Variants in PPP2R2C observed in about 807,000 individuals in gnomAD.
The protein encoded by PPP2R2C is protein phosphatase 2 regulatory subunit Bgamma.
PPP2R2C carries 10 observed loss-of-function variants against 45.3 expected under a neutral mutation model. That is an observed-to-expected ratio of 0.22 (90% confidence interval 0.14 to 0.37). PPP2R2C has a LOEUF of 0.37. Ranked by LOEUF, PPP2R2C falls within the 10% of genes least tolerant of loss-of-function variation. The pLI, the probability that PPP2R2C is intolerant of heterozygous loss-of-function variation, is 1.00. For missense variants in PPP2R2C, 308 were observed against 619.7 expected (o/e 0.50, Z 5.34); for synonymous variants, 257 against 245.4 (o/e 1.05, Z -0.44).
rs550686983 is a variant in PPP2R2C, at chr4:6,427,309, G to A, written c.70+44851C>T. ...ACGTTCAGCATCTCAATGCTCAAAC[G>A]AGGACGTGGGAAATCCTGGCAGGAC... On this transcript the variant is annotated intron_variant, in intron 1 of 8. Coordinates refer to ENST00000382599, the MANE Select transcript of PPP2R2C (RefSeq NM_020416.4). Among the ~76,000 whole-genome samples the A allele has an allele frequency of 5.9e-5, 9 of 152,332 alleles. No homozygotes were observed. The South Asian group carries it at 1.9e-3, about 32-fold the overall frequency.
At position 6,331,399 on chromosome 4, in the gene PPP2R2C, C is replaced by T. The variant is rs4689404; in HGVS notation, c.961-2046G>A. 0.41 allele frequency among the ~76,000 whole-genome samples: 62,750 copies of T among 151,890 alleles called. 14,999 individuals are homozygous for T. The highest frequency in any genetic ancestry group is 0.67 in the African/African-American group (27,662 of 41,426). On this transcript the variant is annotated intron_variant, in intron 7 of 8. Coordinates refer to ENST00000382599, the MANE Select transcript of PPP2R2C (RefSeq NM_020416.4). This position sits in a 1 kb window ranked among gnomAD's most constrained non-coding sequence, Gnocchi z 5.9. Reference sequence around the variant, plus strand: ...GCTGGGAGGCTTAGATGAGGCAAAGCATATTATGGACTTACCTCAGTGTGG... The same window carrying T: ...GCTGGGAGGCTTAGATGAGGCAAAGTATATTATGGACTTACCTCAGTGTGG...
At chr4:6,507,974 C>T (rs759177843) in intron 2 of PPP2R2C, among the ~76,000 whole-genome samples, 4 of 152,202 alleles carry the variant, frequency 2.6e-5, no homozygotes, top group South Asian at 2.1e-4. Context: ...GAGCAAAAAA[C>T]AATGATGTAG....
At chr4:6,512,485 ATGGTGATGGTGGTGG>A (rs1723661977) in intron 2 of PPP2R2C, among the ~76,000 whole-genome samples, 1 of 34,368 alleles carries the variant, frequency 2.9e-5, no homozygotes, top group Non-Finnish European at 5.5e-5. Flanking sequence ...AGTGGTGGTG[ATGGTGATGGTGGTGG>A]TGGTGGTGAT....
Position 6,337,394 on chromosome 4 carries a change from C to T in PPP2R2C, c.791-3663G>A, listed in dbSNP as rs191074234. On this transcript the variant is annotated intron_variant, in intron 6 of 8. Transcript: ENST00000382599. ...ATGGAAACAAGGAAGAGAATCTCAG[C>T]GGGACCTGGTGGCCCCCAGCACCTG... Among the ~76,000 whole-genome samples, 217 of 151,948 alleles carry T rather than the reference C, an allele frequency of 1.4e-3. 1 individual carries two copies. Among genetic ancestry groups the T allele is most frequent in the African/African-American group, 5.1e-3 (210 of 41,462 alleles).
chr4:6,420,790 G>A (rs1195288412), intron 1 of PPP2R2C, among the ~76,000 whole-genome samples: 2 of 152,184 alleles, frequency 1.3e-5, no homozygotes, highest in Non-Finnish European at 2.9e-5. Context: ...AGACCTCGAC[G>A]ATGACGGCAC....
intron 3 of PPP2R2C, 55 bp from the exon 4 acceptor site, chr4:6,375,986 G>C (rs4234738): frequency 0.95 from 1,371,957 of 1,445,602 alleles, 651,728 homozygotes; most frequent in East Asian, 1. Context: ...CCGGATGGAA[G>C]AGAAGATCCA....
At chr4:6,481,564 A>G (rs1722351181) in intron 2 of PPP2R2C, among the ~76,000 whole-genome samples, 1 of 152,152 alleles carries the variant, frequency 6.6e-6, no homozygotes, top group Admixed American at 6.5e-5. Flanking sequence ...AGACAGCTTT[A>G]TAACAAGTCA....
intron 1 of PPP2R2C, among the ~76,000 whole-genome samples, chr4:6,547,688 C>A (rs2108837079): frequency 6.6e-6 from 1 of 152,320 alleles, no homozygotes; most frequent in Non-Finnish European, 1.5e-5. Context: ...GACCCAGCGT[C>A]TGCAATGGGC....
chr4:6,520,057 G>A (rs1425408831), intron 2 of PPP2R2C, among the ~76,000 whole-genome samples: 1 of 152,178 alleles, frequency 6.6e-6, no homozygotes, highest in African/African-American at 2.4e-5. Context: ...TTATTCCCCA[G>A]GGAGCCCCCA....
chr4:6,360,178 G>A (rs900502214), intron 5 of PPP2R2C, among the ~76,000 whole-genome samples: 1 of 152,242 alleles, frequency 6.6e-6, no homozygotes, highest in African/African-American at 2.4e-5. Context: ...GGCCCAGGGT[G>A]GGCAGTGATT....
Position 6,381,007 on chromosome 4 carries a change from C to A in PPP2R2C, c.158G>T (p.Arg53Leu). 1.3e-6 allele frequency: 2 copies of A among 1,541,990 alleles called. No individual in the cohort carries two copies. The highest frequency in any genetic ancestry group is 2.3e-5 in the East Asian group (1 of 43,800). Residue 53 changes from arginine (R) to leucine (L), a missense_variant, in exon 2 of 9, where the codon CGG (arginine) becomes CTG (leucine). Coordinates refer to ENST00000382599, the MANE Select transcript of PPP2R2C (RefSeq NM_020416.4). ...CCCAGGGCTTCGCACCTCTGGTTCC[C>A]GCTGGAAGATGACGACCCGGCCGCC... ...DKGGRVVIFQ[R>L]EPESKNAPHS... is the part of the protein sequence containing the mutation.
chr4:6,372,765 C>T (rs1466370114), intron 4 of PPP2R2C, 65 bp from the exon 5 acceptor site: 92 of 1,523,406 alleles, frequency 6.0e-5, no homozygotes, highest in African/African-American at 4.1e-5. Flanking sequence ...CATAGCATGC[C>T]GTGAGCATGT....
chr4:6,417,650 C>T (rs926037538), intron 1 of PPP2R2C, among the ~76,000 whole-genome samples: 9 of 152,330 alleles, frequency 5.9e-5, no homozygotes, highest in African/African-American at 1.9e-4. Flanking sequence ...TTCGGGGGCC[C>T]CCGGGGACCC....
Position 6,527,888 on chromosome 4 carries a change from G to A in PPP2R2C, c.49+7383C>T, listed in dbSNP as rs927447126. On this transcript the variant is annotated intron_variant, in intron 2 of 9. Transcript: ENST00000506140. ...CCTGGGGCCCCAGCAGGAGGAGAGC[G>A]GGCAGCTGAGAACCTGTCCCAGGAG... Among the ~76,000 whole-genome samples the A allele has an allele frequency of 4.6e-5, 7 of 152,086 alleles. No individual in the cohort carries two copies. The East Asian group carries it at 5.8e-4, about 13-fold the overall frequency.
chr4:6,421,450 TG>T (rs561310260), intron 1 of PPP2R2C, among the ~76,000 whole-genome samples: 129 of 152,256 alleles, frequency 8.5e-4, no homozygotes, highest in African/African-American at 3.0e-3. Context: ...GCACCCCAAG[TG>T]ACACCTAAGT....
At chr4:6,556,221 G>T (rs1224029517) in intron 1 of PPP2R2C, among the ~76,000 whole-genome samples, 2 of 152,174 alleles carry the variant, frequency 1.3e-5, no homozygotes, top group African/African-American at 4.8e-5. Flanking sequence ...GTAGAGATGA[G>T]CATTTGAATC....
intron 1 of PPP2R2C, among the ~76,000 whole-genome samples, chr4:6,385,135 A>C (rs922908483): frequency 6.6e-6 from 1 of 152,136 alleles, no homozygotes; most frequent in Admixed American, 6.5e-5. Flanking sequence ...TGACAGCCAC[A>C]AGCTCTGCAA....
At chr4:6,476,314 A>T (rs545849834), upstream of PPP2R2C, among the ~76,000 whole-genome samples, 1 of 152,222 alleles carries the variant, frequency 6.6e-6, no homozygotes, top group South Asian at 2.1e-4. Context: ...GTTGACTCCC[A>T]AAATTCATAT....
intron 2 of PPP2R2C, chr4:6,523,593 G>A (rs1724094889): frequency 6.6e-6 from 1 of 152,202 alleles, no homozygotes; most frequent in South Asian, 2.1e-4. Context: ...TGGGAGAGAC[G>A]CGGGACCTGC....
Sources: gnomAD v4.1 joint callset for allele counts (sites outside exome capture counted in the v4.1 genomes callset) on GRCh38, gnomAD v4.1.1 for gene constraint, Gnocchi (gnomAD v3.1) non-coding constraint, MANE v1.5 for transcripts, NCBI Gene and HGNC (gene_info 2026-07-23, HGNC 2026-07-21) for gene names.